The following CLASP2 variants were observed in gnomAD, a reference collection of about 807,000 sequenced individuals.
CLASP2 encodes the protein cytoplasmic linker associated protein 2.
A neutral mutation model predicts 194.4 loss-of-function variants in CLASP2; 47 were observed. That is an observed-to-expected ratio of 0.24 (90% confidence interval 0.19 to 0.31). CLASP2 has a LOEUF of 0.31. CLASP2 is among the 10% of genes least tolerant of loss of function. CLASP2 has a pLI of 1.00. For synonymous variants in CLASP2, 619 were observed against 633.5 expected (o/e 0.98, Z 0.34); for missense variants, 1,445 against 1,823.6 (o/e 0.79, Z 3.78).
At chr3:33,619,240 T>G (rs1240745567) in intron 12 of CLASP2, among the ~76,000 whole-genome samples, 2 of 152,198 alleles carry the variant, frequency 1.3e-5, no homozygotes, top group Non-Finnish European at 2.9e-5. Flanking sequence ...ACGGAAACTT[T>G]GTGAGGTGGC....
chr3:33,713,561 T>C (rs1287115755), intron 1 of CLASP2, among the ~76,000 whole-genome samples: 2 of 152,206 alleles, frequency 1.3e-5, no homozygotes, highest in African/African-American at 2.4e-5. Flanking sequence ...GACACCAATG[T>C]TGGGAAGAAT....
At chr3:33,687,927 T>C (rs552712151) in intron 4 of CLASP2, among the ~76,000 whole-genome samples, 12 of 152,154 alleles carry the variant, frequency 7.9e-5, no homozygotes, top group Non-Finnish European at 1.6e-4. Context: ...GGATGGGAAA[T>C]GACTATAATA....
intron 38 of CLASP2, 59 bp downstream of exon 38, chr3:33,501,593 A>C: frequency 9.5e-7 from 1 of 1,049,358 alleles, no homozygotes; most frequent in Non-Finnish European, 1.5e-6. Flanking sequence ...CAGACATGTA[A>C]CTAAGTTTTG....
At chr3:33,619,470 G>T in intron 12 of CLASP2, 133 bp downstream of exon 12, 4 of 736,880 alleles carry the variant, frequency 5.4e-6, no homozygotes, top group South Asian at 2.3e-5. Context: ...TTTGCTTTTG[G>T]GGTTCAAAAA....
chr3:33,680,767 C>T (rs1051491173), intron 6 of CLASP2, among the ~76,000 whole-genome samples: 3 of 152,106 alleles, frequency 2.0e-5, no homozygotes, highest in South Asian at 2.1e-4. Flanking sequence ...ACCGTGGTCA[C>T]GCCACTGCAT....
chr3:33,508,852 T>G (rs571009250), intron 37 of CLASP2, among the ~76,000 whole-genome samples: 1 of 152,220 alleles, frequency 6.6e-6, no homozygotes, highest in South Asian at 2.1e-4. Flanking sequence ...ACTTTAAAAT[T>G]TGATGTATTT....
chr3:33,683,253 A>T (rs1028540138), intron 6 of CLASP2: 2 of 152,224 alleles, frequency 1.3e-5, no homozygotes, highest in African/African-American at 4.8e-5. Flanking sequence ...AATGACAAAA[A>T]ATATTACAGG....
intron 34 of CLASP2, among the ~76,000 whole-genome samples, chr3:33,521,228 A>G (rs1393479298): frequency 6.6e-6 from 1 of 152,238 alleles, no homozygotes; most frequent in African/African-American, 2.4e-5. Flanking sequence ...ATAGAAAATA[A>G]AAAATTTCCT....
Position 33,535,268 on chromosome 3 carries a change from G to A in CLASP2, c.3752C>T (p.Ala1251Val), listed in dbSNP as rs1363598492. The A allele has an allele frequency of 6.2e-7, 1 of 1,613,748 alleles. No homozygotes were observed. The highest frequency in any genetic ancestry group is 8.5e-7 in the Non-Finnish European group (1 of 1,179,778). Residue 1251 changes from alanine (A) to valine (V), a missense_variant, in exon 34 of 39, where the codon GCC becomes GTC. By Grantham distance (64) the Ala-to-Val change is moderately conservative. Transcript: ENST00000682230. ...CTGGTCAGCATCATCATCAAACATG[G>A]CTTCCTTGAGGGCAGACTTGTTGAA... ...SPFNKSALKE[A>V]MFDDDADQFP...
rs1228203814 is a variant in CLASP2 at position 33,503,358 on chromosome 3, T to C, written c.4318-1590A>G. The stretch of plus-strand genomic sequence containing the variant: ...AACTATTTAAATATTTGCTTTGACT[T>C]CTTTTGGGTATATACCTGGGAATAG... On this transcript the variant is annotated intron_variant, in intron 37 of 38. Transcript: ENST00000682230. 8.5e-5 allele frequency: 13 copies of C among 152,156 alleles called. No individual in the cohort carries two copies. In the East Asian group the frequency reaches 2.3e-3, roughly 27 times the overall value. The allele number at this position is 152,156 out of a possible 1,614,324, so 9.4% of individuals were successfully genotyped here. A position where few individuals can be genotyped will look rare whatever the true frequency, so the allele number is the denominator to read the frequency against.
At chr3:33,680,985 C>T (rs1370972354) in intron 6 of CLASP2, among the ~76,000 whole-genome samples, 2 of 149,594 alleles carry the variant, frequency 1.3e-5, no homozygotes, top group African/African-American at 2.5e-5. Flanking sequence ...ATTAGCTGGG[C>T]GTGGTGGCAT....
chr3:33,603,093 G>A lies in CLASP2; in HGVS notation c.1783C>T (p.Pro595Ser). The change falls in exon 18 of 39, where the codon CCA becomes TCA. Residue 595 changes from proline (P) to serine (S), a missense_variant. Physicochemically the swap from Pro to Ser is moderately conservative, Grantham distance 74. This residue lies in a region of CLASP2 where 174 missense variants were observed against 179.0 expected (regional missense o/e 0.97). Transcript: ENST00000682230. Reference protein sequence around the residue: ...SAGSSKASSLPGSLQRSRSDI... With the variant: ...SAGSSKASSLSGSLQRSRSDI... ...CTTCGTGAACGCTGCAGGCTTCCTG[G>A]AAGGGAACTGGCTTTGCTGCTGCCT... 6.3e-7 allele frequency: 1 copy of A among 1,588,764 alleles called. No homozygotes were observed. Among genetic ancestry groups the A allele is most frequent in the Non-Finnish European group, 8.6e-7 (1 of 1,166,018 alleles).
intron 8 of CLASP2, among the ~76,000 whole-genome samples, chr3:33,632,787 G>C (rs1429931649): frequency 6.6e-6 from 1 of 152,216 alleles, no homozygotes; most frequent in Non-Finnish European, 1.5e-5. Flanking sequence ...TGAAAGAAAT[G>C]AGAGTCTTGA....
Position 33,663,493 on chromosome 3 carries a change from A to G in CLASP2, c.667T>C (p.Phe223Leu). 6.2e-7 allele frequency: 1 copy of G among 1,612,330 alleles called. No homozygotes were observed. Among genetic ancestry groups the G allele is most frequent in the Non-Finnish European group, 8.5e-7 (1 of 1,178,848 alleles). Residue 223 changes from phenylalanine (F) to leucine (L), a missense_variant, in exon 7 of 39, where the codon TTT becomes CTT. This residue lies in a region of CLASP2 where 332 missense variants were observed against 325.3 expected (regional missense o/e 1.02). Transcript: ENST00000682230. ...PARLEMIFAKFDEVQSSGGMI... is the reference protein window; with the variant it reads ...PARLEMIFAKLDEVQSSGGMI... ...CCGCCTGAACTTTGCACTTCATCAA[A>G]TTTGGCAAATATCATTTCTAATCTG...
chr3:33,589,799 C>T (rs1178407714), intron 21 of CLASP2, among the ~76,000 whole-genome samples: 1 of 152,062 alleles, frequency 6.6e-6, no homozygotes, highest in Non-Finnish European at 1.5e-5. Context: ...AAAAGGAGGT[C>T]TCTTAAGTAT....
Position 33,627,083 on chromosome 3 carries a change from TAA to T in CLASP2, c.943-5_943-4del, listed in dbSNP as rs777610166. On this transcript the variant is annotated splice_region_variant and splice_polypyrimidine_tract_variant and intron_variant, in intron 9 of 38. Coordinates refer to ENST00000682230, the MANE Select transcript of CLASP2 (RefSeq NM_001365631.1). ...TCGAGTTCTCGACTAGAATAAATCTTAAAAAAAAGATTCAGAATTATAACAAT... is the reference window on the plus strand; with the variant it reads ...TCGAGTTCTCGACTAGAATAAATCTTAAAAAAGATTCAGAATTATAACAAT... The T allele has an allele frequency of 4.8e-6, 7 of 1,453,622 alleles. No homozygotes were observed. The African/African-American group carries it at 9.8e-5, about 20-fold the overall frequency. The allele number at this position is 1,453,622 out of a possible 1,614,324, so 90.0% of individuals were successfully genotyped here. A position where few individuals can be genotyped will look rare whatever the true frequency, so the allele number is the denominator to read the frequency against.
At chr3:33,664,269 GACA>G (rs2085798633) in intron 6 of CLASP2, among the ~76,000 whole-genome samples, 1 of 152,028 alleles carries the variant, frequency 6.6e-6, no homozygotes, top group Admixed American at 6.6e-5. Context: ...GGATAAAACT[GACA>G]GCACTTTTTT....
At chr3:33,682,043 C>T in intron 6 of CLASP2, among the ~76,000 whole-genome samples, 1 of 145,358 alleles carries the variant, frequency 6.9e-6, no homozygotes, top group South Asian at 2.2e-4. Context: ...TGTGAGAGGC[C>T]CTCACCAGAA....
At chr3:33,599,567 G>C (rs916725874) in intron 18 of CLASP2, among the ~76,000 whole-genome samples, 2 of 152,174 alleles carry the variant, frequency 1.3e-5, no homozygotes, top group African/African-American at 4.8e-5. Flanking sequence ...AATAGACTGA[G>C]AGAGATTCAG....
Sources: allele counts gnomAD v4.1 joint callset (sites outside exome capture counted in the v4.1 genomes callset), GRCh38; gene constraint gnomAD v4.1.1; regional missense constraint gnomAD v4.1.1; transcripts MANE v1.5; gene names NCBI Gene and HGNC (gene_info 2026-07-23, HGNC 2026-07-21).